The following PLCB1 variants were observed in gnomAD, a reference collection of about 807,000 sequenced individuals.
PLCB1 encodes 1-phosphatidylinositol 4,5-bisphosphate phosphodiesterase beta-1.
Under a neutral mutation model 161.8 loss-of-function variants are expected in PLCB1, and 46 were observed. The observed-to-expected ratio is 0.28, with a 90% confidence interval of 0.22 to 0.36. The LOEUF (loss-of-function observed/expected upper bound fraction) is 0.36, where lower values mean the gene tolerates loss of function less well. Ranked by LOEUF, PLCB1 falls within the 10% of genes least tolerant of loss-of-function variation. PLCB1 has a pLI of 1.00. For missense variants in PLCB1, 1,016 were observed against 1,472.5 expected (o/e 0.69, Z 5.07); for synonymous variants, 517 against 503.7 (o/e 1.03, Z -0.35).
chr20:8,585,419 G>A (rs1023261977), intron 3 of PLCB1, among the ~76,000 whole-genome samples: 1 of 152,154 alleles, frequency 6.6e-6, no homozygotes, highest in African/African-American at 2.4e-5. Flanking sequence ...TTCTTGAATA[G>A]CTTCTAGAAG....
At chr20:8,447,187 A>G (rs1216034317) in intron 3 of PLCB1, among the ~76,000 whole-genome samples, 4 of 152,178 alleles carry the variant, frequency 2.6e-5, no homozygotes, top group Non-Finnish European at 5.9e-5. Context: ...ACATGCTGCC[A>G]CTTAGGGGCA....
chr20:8,713,495 C>G (rs1449608098), intron 12 of PLCB1, among the ~76,000 whole-genome samples: 1 of 152,112 alleles, frequency 6.6e-6, no homozygotes, highest in African/African-American at 2.4e-5. Context: ...CAGGCAGGTT[C>G]TAAACGTCTA....
intron 3 of PLCB1, among the ~76,000 whole-genome samples, chr20:8,510,232 T>C (rs1380602878): frequency 2.6e-5 from 4 of 152,188 alleles, no homozygotes; most frequent in Admixed American, 2.6e-4. Flanking sequence ...AAGGAGCTTG[T>C]TTATTCTATC....
chr20:8,132,841 A>T lies in PLCB1; in HGVS notation c.99+91A>T. The T allele has an allele frequency of 1.2e-6, 1 of 855,748 alleles. No homozygotes were observed. Among genetic ancestry groups the T allele is most frequent in the Non-Finnish European group, 1.9e-6 (1 of 527,960 alleles). 53.0% of individuals were successfully genotyped at this position (855,748 alleles called of 1,614,324 possible). ...GGTGGGGCAAGGGGCGCGTTATGCA[A>T]TGGGCGCACTGGGAGCGGGCAGGGG... On this transcript the variant is annotated intron_variant, in intron 1 of 31. Coordinates refer to ENST00000338037, the MANE Select transcript of PLCB1 (RefSeq NM_015192.4). This position sits in a 1 kb window ranked among gnomAD's most constrained non-coding sequence, Gnocchi z 5.2.
chr20:8,295,605 T>C lies in PLCB1; in HGVS notation c.178-75777T>C, dbSNP rs183636585. 2.0e-3 allele frequency among the ~76,000 whole-genome samples: 303 copies of C among 152,312 alleles called. 1 individual carries two copies. Among genetic ancestry groups the C allele is most frequent in the African/African-American group, 7.1e-3 (296 of 41,586 alleles). ...AAATAAATAAATAAAAGCTGCTTTC[T>C]AGATTGATCTATAGCCAAAATAATT... On this transcript the variant is annotated intron_variant, in intron 2 of 31. Transcript: ENST00000338037.
intron 2 of PLCB1, among the ~76,000 whole-genome samples, chr20:8,272,720 C>G (rs533604157): frequency 6.6e-6 from 1 of 152,122 alleles, no homozygotes; most frequent in Non-Finnish European, 1.5e-5. Context: ...CCAAATTTAT[C>G]AGATATCAGA....
rs561405238 is a variant in PLCB1 at position 8,425,481 on chromosome 20, G to A, written c.246+54031G>A. ...CATCCACATCCCTGTATGTGCCAGT[G>A]TGGATTCACCAGGTCTAGGGGGCAC... On this transcript the variant is annotated intron_variant, in intron 3 of 31. Coordinates refer to ENST00000338037, the MANE Select transcript of PLCB1 (RefSeq NM_015192.4). Among the ~76,000 whole-genome samples, 5 of 152,200 alleles carry A rather than the reference G, an allele frequency of 3.3e-5. No individual in the cohort carries two copies. The South Asian group carries it at 1.0e-3, about 32-fold the overall frequency.
chr20:8,867,375 C>T (rs1987464223), intron 31 of PLCB1, among the ~76,000 whole-genome samples: 1 of 152,252 alleles, frequency 6.6e-6, no homozygotes, highest in Non-Finnish European at 1.5e-5. Context: ...CTTGCACCGT[C>T]TGCACTATTG....
chr20:8,688,392 G>A (rs962535465), intron 10 of PLCB1, among the ~76,000 whole-genome samples: 12 of 152,092 alleles, frequency 7.9e-5, no homozygotes, highest in African/African-American at 2.9e-4. Context: ...TTACCCAAAA[G>A]CAATTTTTGG....
chr20:8,461,026 G>T (rs1305209264), intron 3 of PLCB1, among the ~76,000 whole-genome samples: 1 of 152,024 alleles, frequency 6.6e-6, no homozygotes, highest in Non-Finnish European at 1.5e-5. Context: ...TTTGAAATGT[G>T]GCCAGTGCAA....
chr20:8,474,382 G>A (rs1230137937), intron 3 of PLCB1, among the ~76,000 whole-genome samples: 2 of 152,190 alleles, frequency 1.3e-5, no homozygotes, highest in African/African-American at 2.4e-5. Flanking sequence ...AGGCTGAAAT[G>A]CTCTGAGGGA....
chr20:8,612,785 T>G lies in PLCB1; in HGVS notation c.247-15509T>G, dbSNP rs112120741. On this transcript the variant is annotated intron_variant, in intron 3 of 31. Coordinates refer to ENST00000338037, the MANE Select transcript of PLCB1 (RefSeq NM_015192.4). ...AATGACACAGCCATACTTCTTTCTA[T>G]AAGAAGGACATTTTCTGAAGTCAAA... Among the ~76,000 whole-genome samples the G allele has an allele frequency of 7.1e-3, 1,083 of 152,290 alleles. 16 individuals are homozygous for G. Among genetic ancestry groups the G allele is most frequent in the African/African-American group, 0.025 (1,033 of 41,560 alleles).
intron 2 of PLCB1, among the ~76,000 whole-genome samples, chr20:8,211,219 G>C (rs147273389): frequency 7.9e-4 from 120 of 152,144 alleles, no homozygotes; most frequent in African/African-American, 2.7e-3. Flanking sequence ...TTGGATGAGA[G>C]ACTTGGCTTT....
At chr20:8,484,351 T>A in intron 3 of PLCB1, among the ~76,000 whole-genome samples, 1 of 112,358 alleles carries the variant, frequency 8.9e-6, no homozygotes, top group African/African-American at 2.8e-5. Flanking sequence ...TGCTAGCTGC[T>A]GCTTCTTCTT....
chr20:8,460,173 A>AT (rs778896395), intron 3 of PLCB1, among the ~76,000 whole-genome samples: 1 of 152,140 alleles, frequency 6.6e-6, no homozygotes, highest in Non-Finnish European at 1.5e-5. Context: ...ACTTTCTTGA[A>AT]TCTTTATTAG....
At chr20:8,466,572 A>G (rs562650824) in intron 3 of PLCB1, among the ~76,000 whole-genome samples, 1 of 152,264 alleles carries the variant, frequency 6.6e-6, no homozygotes, top group South Asian at 2.1e-4. Flanking sequence ...ATCCACAACA[A>G]AATACTAACA....
chr20:8,737,086 T>C lies in PLCB1; in HGVS notation c.2102T>C (p.Met701Thr). 2 of 1,613,696 alleles carry C rather than the reference T, an allele frequency of 1.2e-6. No homozygotes were observed. Among genetic ancestry groups the C allele is most frequent in the Non-Finnish European group, 1.7e-6 (2 of 1,179,668 alleles). ...KKVGTYVEVD[M>T]FGLPVDTRRK... ...GTTGGGACTTACGTGGAAGTAGATA[T>C]GTTTGGTTTGCCTGTGGATACAAGG... Residue 701 changes from methionine to threonine, a missense_variant, in exon 20 of 32, where the codon ATG becomes ACG. This residue lies in a region of PLCB1 where 67 missense variants were observed against 195.6 expected (regional missense o/e 0.34). Coordinates refer to ENST00000338037, the MANE Select transcript of PLCB1 (RefSeq NM_015192.4).
chr20:8,828,564 G>C (rs969511491), intron 31 of PLCB1, among the ~76,000 whole-genome samples: 23 of 152,244 alleles, frequency 1.5e-4, no homozygotes, highest in Middle Eastern at 3.4e-3. Context: ...CTCTTATTGG[G>C]ACAGGCTTAA....
At chr20:8,406,120 C>A (rs1978777505) in intron 3 of PLCB1, among the ~76,000 whole-genome samples, 1 of 151,976 alleles carries the variant, frequency 6.6e-6, no homozygotes, top group Admixed American at 6.6e-5. Context: ...CATTTTATAG[C>A]ATGAGTTACA....
Sources: allele counts gnomAD v4.1 joint callset (sites outside exome capture counted in the v4.1 genomes callset), GRCh38; gene constraint gnomAD v4.1.1; regional missense constraint gnomAD v4.1.1; non-coding constraint Gnocchi (gnomAD v3.1); transcripts MANE v1.5; gene names NCBI Gene and HGNC (gene_info 2026-07-23, HGNC 2026-07-21).